The following KLF12 variants were observed in gnomAD, a reference collection of about 807,000 sequenced individuals.
KLF12 encodes KLF transcription factor 12.
A neutral mutation model predicts 37.8 loss-of-function variants in KLF12; 9 were observed. The observed-to-expected ratio is 0.24, with a 90% CI of 0.14 to 0.42. The LOEUF is 0.42. KLF12 is among the 10% of genes least tolerant of loss of function. The pLI, the probability that KLF12 is intolerant of heterozygous loss-of-function variation, is 1.00. For missense variants in KLF12, 411 were observed against 516.0 expected (o/e 0.80, Z 1.97); for synonymous variants, 208 against 202.1 (o/e 1.03, Z -0.25).
intron 5 of KLF12, among the ~76,000 whole-genome samples, chr13:73,793,263 C>A (rs1881787897): frequency 6.6e-6 from 1 of 152,078 alleles, no homozygotes; most frequent in Admixed American, 6.6e-5. Context: ...GTGCGGTCTG[C>A]CCCCAAATAA....
At chr13:73,815,953 TATG>T (rs1883192080) in intron 4 of KLF12, among the ~76,000 whole-genome samples, 1 of 152,232 alleles carries the variant, frequency 6.6e-6, no homozygotes, top group South Asian at 2.1e-4. Flanking sequence ...ATATGTTAAA[TATG>T]ATATCTTTTT....
chr13:73,915,689 A>AT (rs140697314), intron 3 of KLF12, among the ~76,000 whole-genome samples: 4,396 of 99,102 alleles, frequency 0.044, 265 homozygotes, highest in African/African-American at 0.14. Context: ...ATTTTTTTGT[A>AT]TTTTTTTTTT....
At chr13:74,028,693 T>C (rs910830603) in intron 1 of KLF12, among the ~76,000 whole-genome samples, 12 of 152,066 alleles carry the variant, frequency 7.9e-5, no homozygotes, top group African/African-American at 2.9e-4. Flanking sequence ...AGGAAAATGC[T>C]TCAAGTTTTA....
At position 73,695,776 on chromosome 13, in the gene KLF12, CG is replaced by C. The variant is rs963253601; in HGVS notation, c.1028-106del. On this transcript the variant is annotated intron_variant, in intron 7 of 7. Transcript: ENST00000377669. ...AACTGGTGTTCTCAATGAATTTTCCCGTTGGTAAATCTTTGTCGGGAAACCT... is the reference window on the plus strand; with the variant it reads ...AACTGGTGTTCTCAATGAATTTTCCCTTGGTAAATCTTTGTCGGGAAACCT... The C allele has an allele frequency of 3.7e-6, 4 of 1,090,882 alleles. No homozygotes were observed. The Admixed American group carries it at 8.4e-5, about 23-fold the overall frequency. The allele number at this position is 1,090,882 out of a possible 1,614,324, so 67.6% of individuals were successfully genotyped here.
chr13:73,737,126 C>T (rs1164028862), intron 6 of KLF12, among the ~76,000 whole-genome samples: 1 of 152,004 alleles, frequency 6.6e-6, no homozygotes, highest in Non-Finnish European at 1.5e-5. Flanking sequence ...CTTCTGAAGC[C>T]TTGATTCAAA....
intron 5 of KLF12, among the ~76,000 whole-genome samples, chr13:73,805,779 C>T (rs566249673): frequency 6.6e-6 from 1 of 152,204 alleles, no homozygotes; most frequent in East Asian, 1.9e-4. Context: ...AAAAATTCTG[C>T]TAATTTAATA....
chr13:74,046,257 G>A (rs1893540076), intron 1 of KLF12, among the ~76,000 whole-genome samples: 1 of 152,086 alleles, frequency 6.6e-6, no homozygotes, highest in South Asian at 2.1e-4. Context: ...TGGGCATCAG[G>A]TATACAGGAA....
At chr13:74,055,690 T>C (rs1310207389) in intron 1 of KLF12, among the ~76,000 whole-genome samples, 1 of 152,184 alleles carries the variant, frequency 6.6e-6, no homozygotes, top group African/African-American at 2.4e-5. Context: ...AAAGGAAATT[T>C]TCCCTGTAAC....
chr13:74,210,713 T>G, the KLF12 span, among the ~76,000 whole-genome samples: 1 of 151,834 alleles, frequency 6.6e-6, no homozygotes, highest in African/African-American at 2.4e-5. Context: ...TTTCATGGTT[T>G]AAAATTAAGT....
intron 1 of KLF12, among the ~76,000 whole-genome samples, chr13:74,023,231 GT>G (rs1392254165): frequency 6.6e-6 from 1 of 152,198 alleles, no homozygotes; most frequent in African/African-American, 2.4e-5. Context: ...GAAAATGAAT[GT>G]TCTTCACCTA....
At chr13:73,994,097 G>C (rs1386644043) in intron 2 of KLF12, among the ~76,000 whole-genome samples, 1 of 152,198 alleles carries the variant, frequency 6.6e-6, no homozygotes, top group African/African-American at 2.4e-5. Flanking sequence ...TTAGCAATGA[G>C]GATGGAAGAA....
intron 7 of KLF12, among the ~76,000 whole-genome samples, chr13:73,711,793 C>T (rs1222953718): frequency 1.3e-5 from 2 of 152,118 alleles, no homozygotes; most frequent in African/African-American, 4.8e-5. Flanking sequence ...TTAAGAAATA[C>T]ATTTCGTAAG....
chr13:74,145,286 G>A, the KLF12 span, among the ~76,000 whole-genome samples: 1 of 152,132 alleles, frequency 6.6e-6, no homozygotes, highest in African/African-American at 2.4e-5. Context: ...GGATTATTAT[G>A]TTAATATATG....
chr13:74,082,172 A>AAAC (rs1317568459), intron 1 of KLF12, among the ~76,000 whole-genome samples: 1 of 149,602 alleles, frequency 6.7e-6, no homozygotes, highest in Non-Finnish European at 1.5e-5. Context: ...TTAAAAAAAA[A>AAAC]AAAAAACAAA....
the KLF12 span, among the ~76,000 whole-genome samples, chr13:74,284,318 G>T: frequency 0.72 from 108,781 of 152,002 alleles, 40,013 homozygotes; most frequent in South Asian, 0.88. Flanking sequence ...AAAAATCAGG[G>T]GTTCTCAATT....
intron 1 of KLF12, among the ~76,000 whole-genome samples, chr13:74,010,259 T>C (rs1892517837): frequency 6.6e-6 from 1 of 152,106 alleles, no homozygotes; most frequent in Non-Finnish European, 1.5e-5. Context: ...ATGTAGGTTT[T>C]CTCAAAGACA....
At chr13:74,238,521 G>T in the KLF12 span, among the ~76,000 whole-genome samples, 2 of 136,434 alleles carry the variant, frequency 1.5e-5, no homozygotes, top group Non-Finnish European at 3.0e-5. Context: ...AATGGTACCA[G>T]TTCCTCCTTG....
At chr13:73,972,608 C>T (rs1248534010) in intron 2 of KLF12, among the ~76,000 whole-genome samples, 1 of 145,824 alleles carries the variant, frequency 6.9e-6, no homozygotes, top group East Asian at 2.0e-4. Flanking sequence ...ATCTAGTATG[C>T]CTCAGATGGA....
rs567228779 is a variant in KLF12, at chr13:73,833,551, G to C, written c.670+12276C>G. On this transcript the variant is annotated intron_variant, in intron 4 of 7. Coordinates refer to ENST00000377669, the MANE Select transcript of KLF12 (RefSeq NM_007249.5). ...TTATTGTGTGCCAGATGTTGGATAA[G>C]GCAGTAAGGCAATGAGAAAAGATGA... Among the ~76,000 whole-genome samples, 199 of 152,300 alleles carry C rather than the reference G, an allele frequency of 1.3e-3. 2 individuals are homozygous for C. The highest frequency in any genetic ancestry group is 4.6e-3 in the African/African-American group (190 of 41,556).
Sources: allele counts gnomAD v4.1 joint callset (sites outside exome capture counted in the v4.1 genomes callset), GRCh38; gene constraint gnomAD v4.1.1; transcripts MANE v1.5; gene names NCBI Gene and HGNC (gene_info 2026-07-23, HGNC 2026-07-21).